FAAH2: variants seen among roughly 807,000 people sequenced by gnomAD.
The protein encoded by FAAH2 is fatty acid amide hydrolase 2.
Under a neutral mutation model 36.9 loss-of-function variants are expected in FAAH2, and 60 were observed. The observed-to-expected ratio is 1.63, with a 90% CI of 1.32 to 2.02. The LOEUF (loss-of-function observed/expected upper bound fraction) is 2.02, where lower values mean the gene tolerates loss of function less well. Among genes scored for constraint, FAAH2 ranks in the 30% most tolerant of loss-of-function variants. The pLI is 0.00. For synonymous variants in FAAH2, 214 were observed against 143.8 expected (o/e 1.49, Z -3.49); for missense variants, 689 against 397.5 (o/e 1.73, Z -6.23).
chrX:57,283,172 G>A (rs746995910), upstream of FAAH2, among the ~76,000 whole-genome samples: 269 of 112,215 alleles, frequency 2.4e-3, 1 homozygote, highest in Middle Eastern at 4.6e-3. Context: ...CTTTCTGGAG[G>A]TGTGGTTAAA....
the FAAH2 span, among the ~76,000 whole-genome samples, chrX:57,162,731 T>C: frequency 8.9e-6 from 1 of 112,159 alleles, no homozygotes; most frequent in African/African-American, 3.2e-5. Flanking sequence ...TAAGCACTTG[T>C]CTGTATTGGT....
intron 8 of FAAH2, among the ~76,000 whole-genome samples, chrX:57,436,668 C>A (rs770448622): frequency 3.6e-5 from 4 of 111,188 alleles, no homozygotes; most frequent in African/African-American, 9.8e-5. Context: ...AAATTAATTT[C>A]TGGAAACATG....
At chrX:57,313,730 C>G (rs186299455) in intron 3 of FAAH2, among the ~76,000 whole-genome samples, 6 of 110,331 alleles carry the variant, frequency 5.4e-5, no homozygotes, top group Non-Finnish European at 9.5e-5. Flanking sequence ...TCAACTAGAC[C>G]AACCTTACAT....
At chrX:57,310,197 T>C (rs751833297) in intron 2 of FAAH2, among the ~76,000 whole-genome samples, 1 of 112,488 alleles carries the variant, frequency 8.9e-6, no homozygotes, top group African/African-American at 3.2e-5. Context: ...GAGCTTTTTT[T>C]CATGTTTGTT....
the FAAH2 span, among the ~76,000 whole-genome samples, chrX:57,242,105 A>G: frequency 3.5e-5 from 4 of 112,731 alleles, no homozygotes; most frequent in African/African-American, 1.3e-4. Context: ...CGGGAGCTCC[A>G]CTAAGGGACA....
the FAAH2 span, among the ~76,000 whole-genome samples, chrX:57,224,088 A>G: frequency 5.9e-4 from 66 of 111,417 alleles, no homozygotes; most frequent in African/African-American, 2.1e-3. Context: ...ATATGGCCAA[A>G]CTTTTGTCTT....
At chrX:57,123,420 G>A in the FAAH2 span, among the ~76,000 whole-genome samples, 138 of 112,036 alleles carry the variant, frequency 1.2e-3, no homozygotes, top group Non-Finnish European at 2.3e-3. Context: ...CATTTGGGTT[G>A]GTTCCAAGTC....
the FAAH2 span, among the ~76,000 whole-genome samples, chrX:57,213,169 T>C: frequency 9.0e-6 from 1 of 111,644 alleles, no homozygotes; most frequent in Non-Finnish European, 1.9e-5. Flanking sequence ...GTAGTATCAG[T>C]TGTAATGTCT....
Position 57,334,513 on chromosome X carries a change from TA to T in FAAH2, c.622+2717del, listed in dbSNP as rs1169884144. On this transcript the variant is annotated intron_variant, in intron 4 of 10. Transcript: ENST00000374900. The stretch of plus-strand genomic sequence containing the variant: ...TACAAACCAAAAACCTGAATTAATG[TA>T]AAAAAAAAAAGAAAATTATTAGAGA... Among the ~76,000 whole-genome samples the T allele has an allele frequency of 5.0e-3, 507 of 100,911 alleles. 5 individuals are homozygous for T. The highest frequency in any genetic ancestry group is 6.5e-3 in the Non-Finnish European group (319 of 49,054). 87.6% of individuals were successfully genotyped at this position (100,911 alleles called of 115,157 possible).
At chrX:57,135,507 C>A in the FAAH2 span, 1 of 322,844 alleles carries the variant, frequency 3.1e-6, no homozygotes, top group Non-Finnish European at 5.3e-6. Flanking sequence ...CCAGCTAAAT[C>A]CAGTGCCATT....
chrX:57,280,617 G>A, the FAAH2 span, among the ~76,000 whole-genome samples: 11 of 107,502 alleles, frequency 1.0e-4, no homozygotes, highest in Admixed American at 1.1e-3. Flanking sequence ...GCATAAAATG[G>A]CATAGCCACT....
At chrX:57,243,594 A>G in the FAAH2 span, among the ~76,000 whole-genome samples, 1 of 112,133 alleles carries the variant, frequency 8.9e-6, no homozygotes, top group Admixed American at 9.4e-5. Context: ...TGCTGGTGAT[A>G]CTCAGGCAAA....
the FAAH2 span, among the ~76,000 whole-genome samples, chrX:57,258,801 TG>T: frequency 9.5e-6 from 1 of 105,399 alleles, no homozygotes; most frequent in African/African-American, 3.5e-5. Flanking sequence ...CTCCGCCTCC[TG>T]GGTTCACGCC....
the FAAH2 span, chrX:57,134,600 A>T: frequency 9.0e-6 from 1 of 111,457 alleles, no homozygotes; most frequent in Non-Finnish European, 1.9e-5. Flanking sequence ...ATTCCAGCAG[A>T]AGGAATAGGA....
chrX:57,255,963 A>ATTGTCTTTT, the FAAH2 span, among the ~76,000 whole-genome samples: 1 of 111,886 alleles, frequency 8.9e-6, no homozygotes, highest in East Asian at 2.8e-4. Flanking sequence ...GGGTATCCAA[A>ATTGTCTTTT]TAAAAAGAGA....
At chrX:57,261,108 G>A in the FAAH2 span, among the ~76,000 whole-genome samples, 1 of 111,425 alleles carries the variant, frequency 9.0e-6, no homozygotes, top group Non-Finnish European at 1.9e-5. Context: ...AATTACACTT[G>A]TAATTATAAA....
intron 7 of FAAH2, among the ~76,000 whole-genome samples, chrX:57,414,619 A>T (rs1352492445): frequency 9.0e-6 from 1 of 111,464 alleles, no homozygotes; most frequent in Non-Finnish European, 1.9e-5. Flanking sequence ...TCAGTTTGCC[A>T]GTATTTTATT....
intron 5 of FAAH2, among the ~76,000 whole-genome samples, chrX:57,347,604 G>GTTTTTTTTTTTTTTTTTTTTTTTTTTTTT (rs61323098): frequency 1.3e-5 from 1 of 77,900 alleles, no homozygotes; most frequent in African/African-American, 6.5e-5. Flanking sequence ...GGGATGCTAA[G>GTTTTTTTTTTTTTTTTTTTTTTTTTTTTT]TTTTTTTTTT....
chrX:57,167,801 C>A, the FAAH2 span, among the ~76,000 whole-genome samples: 1 of 111,072 alleles, frequency 9.0e-6, no homozygotes, highest in Non-Finnish European at 1.9e-5. Context: ...GTGGTAGGAG[C>A]ATTTACCTAC....
Sources: gnomAD v4.1 joint callset for allele counts (sites outside exome capture counted in the v4.1 genomes callset) on GRCh38, gnomAD v4.1.1 for gene constraint, MANE v1.5 for transcripts, NCBI Gene and HGNC (gene_info 2026-07-23, HGNC 2026-07-21) for gene names.